XKR9: variants seen among roughly 807,000 people sequenced by gnomAD.
XKR9 encodes XK-related protein 9.
A neutral mutation model predicts 32.0 loss-of-function variants in XKR9; 32 were observed. The ratio of observed to expected loss-of-function variants is 1.00; its 90% CI spans 0.76 to 1.34. The LOEUF (loss-of-function observed/expected upper bound fraction) is 1.34. Among genes scored for constraint, XKR9 ranks in the 40% most tolerant of loss-of-function variants. The pLI is 0.00. For synonymous variants in XKR9, 168 were observed against 143.4 expected, an observed-to-expected ratio of 1.17 and a Z score of -1.22; for missense variants, 546 against 429.7, an observed-to-expected ratio of 1.27 and a Z score of -2.39.
chr8:70,749,289 C>T (rs748820097), intron 2 of XKR9, among the ~76,000 whole-genome samples: 1 of 152,044 alleles, frequency 6.6e-6, no homozygotes, highest in Non-Finnish European at 1.5e-5. Context: ...AAACATGCTC[C>T]ATGCCTGCCA....
In XKR9 at chr8:70,735,120, A is replaced by T. The variant is rs1461959870; in HGVS notation, c.*696A>T. On this transcript the variant is annotated 3_prime_UTR_variant, in exon 5 of 5. Coordinates refer to ENST00000408926, the MANE Select transcript of XKR9 (RefSeq NM_001011720.2). The stretch of plus-strand genomic sequence containing the variant: ...ATTTTTAAAAAATTATGGTAAAAAC[A>T]TATAAAATTTACCATCTTAATCACT... 1.3e-5 allele frequency: 2 copies of T among 152,076 alleles called. No individual in the cohort carries two copies. The highest frequency in any genetic ancestry group is 2.4e-5 in the African/African-American group (1 of 41,446). 9.4% of individuals were successfully genotyped at this position (152,076 alleles called of 1,614,324 possible).
the XKR9 span, among the ~76,000 whole-genome samples, chr8:70,917,158 C>A: frequency 6.6e-6 from 1 of 152,110 alleles, no homozygotes; most frequent in Non-Finnish European, 1.5e-5. Flanking sequence ...AGGGCTTTTT[C>A]CTCCTCTTTC....
the XKR9 span, among the ~76,000 whole-genome samples, chr8:70,969,037 A>G: frequency 6.6e-6 from 1 of 152,222 alleles, no homozygotes; most frequent in Non-Finnish European, 1.5e-5. Flanking sequence ...CCAGCAGGCT[A>G]GACAGAGTAC....
chr8:70,760,422 T>G (rs538763195), intron 2 of XKR9, among the ~76,000 whole-genome samples: 1 of 152,346 alleles, frequency 6.6e-6, no homozygotes, highest in African/African-American at 2.4e-5. Context: ...GAGTGAATTA[T>G]TACACAGCAG....
At chr8:70,675,141 C>T (rs572746555) in intron 2 of XKR9, among the ~76,000 whole-genome samples, 10 of 152,120 alleles carry the variant, frequency 6.6e-5, no homozygotes, top group African/African-American at 9.6e-5. Flanking sequence ...TTATAAGAAA[C>T]GAGGGCCAGG....
intron 2 of XKR9, among the ~76,000 whole-genome samples, chr8:70,748,985 C>G (rs1025842480): frequency 6.6e-6 from 1 of 152,132 alleles, no homozygotes; most frequent in South Asian, 2.1e-4. Context: ...CTCCTCTGTG[C>G]TGAGAGCTGG....
downstream of XKR9, among the ~76,000 whole-genome samples, chr8:70,736,441 TC>T (rs1806864956): frequency 6.6e-6 from 1 of 152,210 alleles, no homozygotes. Flanking sequence ...GATGGTAATT[TC>T]TTTTGCTGTG....
the XKR9 span, among the ~76,000 whole-genome samples, chr8:70,892,088 G>A: frequency 6.6e-6 from 1 of 151,822 alleles, no homozygotes; most frequent in African/African-American, 2.4e-5. Flanking sequence ...TTGCTCTTTG[G>A]TTTCCATTTG....
the XKR9 span, among the ~76,000 whole-genome samples, chr8:70,795,772 T>C: frequency 6.6e-6 from 1 of 152,174 alleles, no homozygotes; most frequent in African/African-American, 2.4e-5. Flanking sequence ...TTTGGCTGCA[T>C]GTATATTTTC....
chr8:70,790,786 A>G (rs970508197), downstream of XKR9, among the ~76,000 whole-genome samples: 1 of 152,114 alleles, frequency 6.6e-6, no homozygotes, highest in African/African-American at 2.4e-5. Flanking sequence ...TCAAAATACC[A>G]TAAATTGGGT....
the XKR9 span, among the ~76,000 whole-genome samples, chr8:70,934,584 A>T: frequency 6.6e-6 from 1 of 152,078 alleles, no homozygotes; most frequent in Admixed American, 6.6e-5. Context: ...TTTCCATTCA[A>T]TGGACCAAAC....
the XKR9 span, among the ~76,000 whole-genome samples, chr8:71,038,802 G>A: frequency 7.1e-6 from 1 of 140,818 alleles, no homozygotes; most frequent in East Asian, 2.1e-4. Flanking sequence ...TTTGGATGCT[G>A]ATTTTTTTTT....
the XKR9 span, among the ~76,000 whole-genome samples, chr8:70,896,079 T>C: frequency 2.0e-5 from 3 of 152,112 alleles, no homozygotes; most frequent in Non-Finnish European, 4.4e-5. Flanking sequence ...TCATGATGAA[T>C]TGTACTTTTA....
the XKR9 span, among the ~76,000 whole-genome samples, chr8:70,970,362 A>G: frequency 2.6e-5 from 4 of 151,938 alleles, no homozygotes; most frequent in African/African-American, 9.7e-5. Context: ...GTACATGTGC[A>G]GAAGGTGCAG....
At chr8:70,775,873 T>A (rs896486583) in intron 2 of XKR9, among the ~76,000 whole-genome samples, 1 of 152,002 alleles carries the variant, frequency 6.6e-6, no homozygotes, top group South Asian at 2.1e-4. Flanking sequence ...GCCTCCTGAG[T>A]AGCTGGGACC....
chr8:70,778,505 G>A (rs960339024), intron 2 of XKR9, among the ~76,000 whole-genome samples: 2 of 152,156 alleles, frequency 1.3e-5, no homozygotes, highest in African/African-American at 4.8e-5. Flanking sequence ...GTAGCTTGAT[G>A]GCAATAGCAT....
At chr8:70,827,908 A>C in the XKR9 span, among the ~76,000 whole-genome samples, 1 of 152,240 alleles carries the variant, frequency 6.6e-6, no homozygotes, top group Admixed American at 6.5e-5. Context: ...ACTAGTAGAT[A>C]TCTGTTAAAA....
the XKR9 span, among the ~76,000 whole-genome samples, chr8:71,056,474 G>A: frequency 2.0e-5 from 3 of 152,174 alleles, no homozygotes; most frequent in African/African-American, 7.2e-5. Context: ...AAATTTTGAG[G>A]AGGCACTGCT....
At chr8:70,903,958 T>G in the XKR9 span, among the ~76,000 whole-genome samples, 48,276 of 151,992 alleles carry the variant, frequency 0.32, 8,991 homozygotes, top group Non-Finnish European at 0.43. Flanking sequence ...TTTGAGTGAG[T>G]TTCTTAATCC....
Sources: gnomAD v4.1 joint callset for allele counts (sites outside exome capture counted in the v4.1 genomes callset) on GRCh38, gnomAD v4.1.1 for gene constraint, MANE v1.5 for transcripts, NCBI Gene and HGNC (gene_info 2026-07-23, HGNC 2026-07-21) for gene names.